KIF27: variants seen among roughly 807,000 people sequenced by gnomAD.
KIF27 encodes kinesin family member 27.
KIF27 carries 84 observed loss-of-function variants against 141.8 expected under a neutral mutation model. The ratio of observed to expected loss-of-function variants is 0.59; its 90% confidence interval spans 0.50 to 0.71. KIF27 has a LOEUF of 0.71. Among genes scored for constraint, KIF27 ranks in the 30% least tolerant of loss-of-function variants. The pLI is 0.00. For missense variants in KIF27, 1,306 were observed against 1,628.4 expected (o/e 0.80, Z 3.41); for synonymous variants, 471 against 569.5 (o/e 0.83, Z 2.46).
intron 17 of KIF27, among the ~76,000 whole-genome samples, chr9:83,839,964 AG>A (rs1366981370): frequency 8.5e-5 from 13 of 152,228 alleles, no homozygotes; most frequent in South Asian, 4.2e-4. Context: ...ACAAACAAAC[AG>A]AAAAAACACT....
chr9:83,866,040 T>C (rs1282755489), intron 13 of KIF27, among the ~76,000 whole-genome samples: 3 of 151,988 alleles, frequency 2.0e-5, no homozygotes, highest in Non-Finnish European at 2.9e-5. Context: ...CTTGCATTCA[T>C]TCCCTACCTG....
rs1285408740 is a variant in KIF27 at position 83,870,671 on chromosome 9, C to T, written c.2644-39G>A. The T allele has an allele frequency of 1.3e-5, 21 of 1,589,672 alleles. 1 individual carries two copies. In the South Asian group the frequency reaches 2.0e-4, roughly 15 times the overall value. On this transcript the variant is annotated intron_variant, in intron 11 of 17. Coordinates refer to ENST00000297814, the MANE Select transcript of KIF27 (RefSeq NM_017576.4). ...AATTGAAAACACCTTATTGCTTTTA[C>T]ACCTGACCATTAAGTATGCTGATGA...
chr9:83,914,637 T>C (rs1056254651), intron 2 of KIF27, among the ~76,000 whole-genome samples: 6 of 152,184 alleles, frequency 3.9e-5, no homozygotes, highest in Non-Finnish European at 7.4e-5. Flanking sequence ...TAGACAATGA[T>C]GCATATGTGC....
chr9:83,859,406 A>T (rs977398974), intron 13 of KIF27, 35 bp from the exon 14 acceptor site: 2 of 1,452,014 alleles, frequency 1.4e-6, no homozygotes, highest in Non-Finnish European at 1.9e-6. Flanking sequence ...CCTCAAAAAC[A>T]GTTACTAGAA....
chr9:83,912,316 G>A (rs1218170841), intron 2 of KIF27, among the ~76,000 whole-genome samples: 6 of 152,178 alleles, frequency 3.9e-5, no homozygotes, highest in East Asian at 3.8e-4. Context: ...CTGAAAATCC[G>A]AGTTTCCATC....
intron 11 of KIF27, among the ~76,000 whole-genome samples, chr9:83,878,821 A>T (rs945506732): frequency 3.3e-5 from 5 of 152,094 alleles, no homozygotes; most frequent in Non-Finnish European, 7.3e-5. Context: ...TTGGAAATAG[A>T]TAGTGGTGAT....
At chr9:83,871,705 T>TC (rs1950809235) in intron 11 of KIF27, among the ~76,000 whole-genome samples, 1 of 151,630 alleles carries the variant, frequency 6.6e-6, no homozygotes, top group African/African-American at 2.4e-5. Flanking sequence ...TTTTTTTTTT[T>TC]CTAGACAAAG....
chr9:83,869,650 C>T (rs1408824083), intron 12 of KIF27, among the ~76,000 whole-genome samples: 3 of 152,046 alleles, frequency 2.0e-5, no homozygotes, highest in Non-Finnish European at 4.4e-5. Flanking sequence ...TGGTGTGAAC[C>T]CGGGAGGCGG....
rs540253373 is a variant in KIF27 at position 83,910,860 on chromosome 9, G to A, written c.299-2208C>T. ...GGACTCAAACAGATACTTCTACATC[G>A]GTGTTCACAGCAACATTATTTACAG... On this transcript the variant is annotated intron_variant, in intron 2 of 17. Coordinates refer to ENST00000297814, the MANE Select transcript of KIF27 (RefSeq NM_017576.4). Among the ~76,000 whole-genome samples, 6 of 152,094 alleles carry A rather than the reference G, an allele frequency of 3.9e-5. No individual in the cohort carries two copies. The South Asian group carries it at 1.0e-3, about 26-fold the overall frequency.
At chr9:83,860,397 T>C (rs1949758356) in intron 13 of KIF27, among the ~76,000 whole-genome samples, 1 of 152,188 alleles carries the variant, frequency 6.6e-6, no homozygotes, top group Non-Finnish European at 1.5e-5. Flanking sequence ...TGACTATGTA[T>C]TATGGGAGAT....
chr9:83,912,121 T>C (rs1030163519), intron 2 of KIF27, among the ~76,000 whole-genome samples: 2 of 152,086 alleles, frequency 1.3e-5, no homozygotes, highest in Non-Finnish European at 2.9e-5. Flanking sequence ...TTAAAATAAG[T>C]GGAGGGAAAA....
chr9:83,865,102 C>T (rs1377343725), intron 13 of KIF27, among the ~76,000 whole-genome samples: 2 of 152,020 alleles, frequency 1.3e-5, no homozygotes, highest in African/African-American at 2.4e-5. Context: ...CCTCACATTA[C>T]TGGTGTTGAG....
intron 14 of KIF27, among the ~76,000 whole-genome samples, chr9:83,854,612 C>A (rs1221232731): frequency 6.6e-6 from 1 of 152,132 alleles, no homozygotes; most frequent in Non-Finnish European, 1.5e-5. Context: ...GTTGCCCAGG[C>A]TGAACTCAAA....
intron 16 of KIF27, among the ~76,000 whole-genome samples, chr9:83,845,288 C>A (rs187952687): frequency 1.3e-5 from 2 of 152,180 alleles, no homozygotes; most frequent in African/African-American, 4.8e-5. Flanking sequence ...AGTCACCATG[C>A]GACCTGAACT....
intron 1 of KIF27, among the ~76,000 whole-genome samples, 152 bp downstream of exon 1, chr9:83,921,219 C>G (rs921056172): frequency 6.6e-6 from 1 of 152,176 alleles, no homozygotes; most frequent in South Asian, 2.1e-4. Context: ...GCTACCCACC[C>G]GCGGCGGCCC....
intron 17 of KIF27, among the ~76,000 whole-genome samples, chr9:83,840,232 G>A (rs912528341): frequency 6.6e-6 from 1 of 152,080 alleles, no homozygotes; most frequent in African/African-American, 2.4e-5. Context: ...GATTATAACT[G>A]ATTTGTTTTC....
intron 17 of KIF27, among the ~76,000 whole-genome samples, chr9:83,840,451 G>C (rs1411947758): frequency 1.3e-5 from 2 of 152,012 alleles, no homozygotes; most frequent in East Asian, 3.9e-4. Context: ...AGATTTGTCT[G>C]TTTGTTTGGT....
chr9:83,903,387 G>A lies in KIF27; in HGVS notation c.1131C>T (p.Val377=), dbSNP rs1954138329. ...REALQSQQAG[V]SQTTQINREG... ...CTCGATTGATCTGGGTAGTTTGGCT[G>A]ACACCAGCCTGCTGGCTTTGCAAAG... Residue 377 remains valine, a synonymous_variant, in exon 4 of 18, where the codon GTC becomes GTT. Transcript: ENST00000297814. The A allele has an allele frequency of 1.2e-6, 2 of 1,614,054 alleles. No homozygotes were observed. The highest frequency in any genetic ancestry group is 1.1e-5 in the South Asian group (1 of 91,086).
At position 83,915,542 on chromosome 9, in the gene KIF27, C is replaced by G. The variant is rs779259691; in HGVS notation, c.50G>C (p.Cys17Ser). 6.2e-7 allele frequency: 1 copy of G among 1,613,588 alleles called. No individual in the cohort carries two copies. The highest frequency in any genetic ancestry group is 1.1e-5 in the South Asian group (1 of 91,018). ...KVAVRIRPLLCKEALHNHQVC... is the reference protein window; with the variant it reads ...KVAVRIRPLLSKEALHNHQVC... ...TTGATGATTATGAAGAGCTTCTTTG[C>G]AAAGCAGAGGTCTAATTCTTACAGC... The change falls in exon 2 of 18, where the codon TGC (cysteine) becomes TCC (serine). Residue 17 changes from cysteine to serine, a missense_variant. Cys to Ser is a moderately radical substitution (Grantham distance 112). Around this residue, in one of 4 missense-constraint regions of KIF27, gnomAD observed 533 missense variants for 565.6 expected, o/e 0.94. Coordinates refer to ENST00000297814, the MANE Select transcript of KIF27 (RefSeq NM_017576.4).
Sources: gnomAD v4.1 joint callset for allele counts (sites outside exome capture counted in the v4.1 genomes callset) on GRCh38, gnomAD v4.1.1 for gene constraint, gnomAD v4.1.1 regional missense constraint, MANE v1.5 for transcripts, NCBI Gene and HGNC (gene_info 2026-07-23, HGNC 2026-07-21) for gene names.